The following ZNF771 variants were observed in gnomAD, a reference collection of about 807,000 sequenced individuals.
ZNF771 encodes mesenchymal stem cell protein DSC43.
In ZNF771, 10 loss-of-function variants were observed where a neutral mutation model predicts 27.6. The observed-to-expected ratio is 0.36, with a 90% CI of 0.22 to 0.61. ZNF771 has a LOEUF of 0.61. ZNF771 is among the 20% of genes least tolerant of loss of function. The pLI is 0.70. For missense variants in ZNF771, 438 were observed against 503.7 expected (o/e 0.87, Z 1.25); for synonymous variants, 261 against 225.2 (o/e 1.16, Z -1.43).
chr16:30,410,257 C>A (rs1205551863), intron 2 of ZNF771, among the ~76,000 whole-genome samples: 3 of 152,116 alleles, frequency 2.0e-5, no homozygotes, highest in East Asian at 1.9e-4. Flanking sequence ...TGCGCACTAC[C>A]ATGCCCAGCT....
chr16:30,418,130 C>G lies in ZNF771; in HGVS notation c.717C>G (p.Arg239=), dbSNP rs1248592804. ...KPHRCAVCGR[R]FGHRSNLAEH... is the part of the protein sequence containing the mutation. The stretch of plus-strand genomic sequence containing the variant: ...ACCGCTGCGCTGTGTGTGGCCGTCG[C>G]TTCGGCCACCGCTCCAACCTGGCGG... The change falls in exon 3 of 3, where the codon CGC becomes CGG. Residue 239 remains arginine, a synonymous_variant. Transcript: ENST00000319296. 1.4e-6 allele frequency: 2 copies of G among 1,477,758 alleles called. No homozygotes were observed. The highest frequency in any genetic ancestry group is 1.8e-6 in the Non-Finnish European group (2 of 1,121,190). The allele number at this position is 1,477,758 out of a possible 1,614,324, so 91.5% of individuals were successfully genotyped here.
In ZNF771 at chr16:30,419,061, C is replaced by G. The variant is rs2050153711; in HGVS notation, c.*694C>G. On this transcript the variant is annotated 3_prime_UTR_variant, in exon 3 of 3. Coordinates refer to ENST00000319296, the MANE Select transcript of ZNF771 (RefSeq NM_001142305.2). ...TACCAGCCTGGCCAACATGGTGAAA[C>G]CCGGTCTCTACTAAAAATACAAAAA... is the stretch of plus-strand genomic sequence containing the variant. 7 of 151,958 alleles carry G rather than the reference C, an allele frequency of 4.6e-5. No individual in the cohort carries two copies. The highest frequency in any genetic ancestry group is 4.6e-4 in the Admixed American group (7 of 15,238). The allele number at this position is 151,958 out of a possible 1,614,324, so 9.4% of individuals were successfully genotyped here.
In ZNF771 at chr16:30,418,242, C is replaced by G. The variant is rs2050148586; in HGVS notation, c.829C>G (p.His277Asp). ...CCGCCTAAGCTCGCACTTCATTCGC[C>G]ACCGACGCGCGCACATGCGGCGCCG... The part of the protein sequence containing the change: ...RFRLSSHFIR[H>D]RRAHMRRRLY... Residue 277 changes from histidine to aspartate, a missense_variant, in exon 3 of 3, where the codon CAC becomes GAC. Around this residue, in one of 3 missense-constraint regions of ZNF771, gnomAD observed 305 missense variants for 308.0 expected, o/e 0.99. Coordinates refer to ENST00000319296, the MANE Select transcript of ZNF771 (RefSeq NM_001142305.2). 6.6e-7 allele frequency: 1 copy of G among 1,516,056 alleles called. No homozygotes were observed. The highest frequency in any genetic ancestry group is 1.2e-5 in the South Asian group (1 of 81,664). The allele number at this position is 1,516,056 out of a possible 1,614,324, so 93.9% of individuals were successfully genotyped here. A position where few individuals can be genotyped will look rare whatever the true frequency, so the allele number is the denominator to read the frequency against.
rs772227791 is a variant in ZNF771 at position 30,417,885 on chromosome 16, C to T, written c.472C>T (p.Gln158Ter). 1 of 1,514,564 alleles carries T rather than the reference C, an allele frequency of 6.6e-7. No individual in the cohort carries two copies. Among genetic ancestry groups the T allele is most frequent in the South Asian group, 1.2e-5 (1 of 81,496 alleles). The allele number at this position is 1,514,564 out of a possible 1,614,324, so 93.8% of individuals were successfully genotyped here. A position where few individuals can be genotyped will look rare whatever the true frequency, so the allele number is the denominator to read the frequency against. The change falls in exon 3 of 3, where the codon CAG (glutamine) becomes TAG (stop). Residue 158 changes from glutamine (Q) to a stop codon, truncating the protein, a stop_gained. Transcript: ENST00000319296. LOFTEE classifies it high-confidence loss of function. ...ACAHCGRRFAQSSNYAQHLRV... is the reference protein window; with the variant it reads ...ACAHCGRRFA ...CGCGCACTGCGGCCGCCGCTTCGCGCAGAGCTCCAACTACGCACAGCACCT... is the reference window on the plus strand; with the variant it reads ...CGCGCACTGCGGCCGCCGCTTCGCGTAGAGCTCCAACTACGCACAGCACCT...
chr16:30,407,993 G>GA, intron 1 of ZNF771, 52 bp from the exon 2 acceptor site: 1 of 903,008 alleles, frequency 1.1e-6, no homozygotes, highest in South Asian at 1.7e-5. Context: ...TGGGCGGGGG[G>GA]GGGGGTGGGG....
At chr16:30,410,979 C>T (rs537672410) in intron 2 of ZNF771, among the ~76,000 whole-genome samples, 36 of 151,402 alleles carry the variant, frequency 2.4e-4, no homozygotes, top group Admixed American at 8.6e-4. Flanking sequence ...GCCATGACTG[C>T]ACCACTGTAC....
At chr16:30,410,340 A>T (rs1190691599) in intron 2 of ZNF771, among the ~76,000 whole-genome samples, 1 of 152,038 alleles carries the variant, frequency 6.6e-6, no homozygotes, top group Admixed American at 6.6e-5. Flanking sequence ...TGACCTCATG[A>T]TCCGCCCGCC....
At chr16:30,408,396 G>A (rs2050088073) in intron 2 of ZNF771, among the ~76,000 whole-genome samples, 3 of 152,126 alleles carry the variant, frequency 2.0e-5, no homozygotes, top group Non-Finnish European at 4.4e-5. Flanking sequence ...TTCCTGCTGG[G>A]TGCAGGAGAT....
Position 30,418,184 on chromosome 16 carries a change from G to A in ZNF771, c.771G>A (p.Arg257=). ...AEHARTHTGE[R]PYPCAECGRR... ...ACGCGCGCACGCACACAGGCGAGCG[G>A]CCCTACCCCTGCGCCGAGTGCGGCC... Residue 257 remains arginine (R), a synonymous_variant, in exon 3 of 3, where the codon CGG becomes CGA. Transcript: ENST00000319296. The A allele has an allele frequency of 1.3e-6, 2 of 1,501,530 alleles. No individual in the cohort carries two copies. The highest frequency in any genetic ancestry group is 1.8e-6 in the Non-Finnish European group (2 of 1,132,430). The allele number at this position is 1,501,530 out of a possible 1,614,324, so 93.0% of individuals were successfully genotyped here. A position where few individuals can be genotyped will look rare whatever the true frequency, so the allele number is the denominator to read the frequency against.
intron 2 of ZNF771, among the ~76,000 whole-genome samples, chr16:30,414,920 C>T (rs1304116073): frequency 2.7e-5 from 4 of 145,472 alleles, no homozygotes; most frequent in South Asian, 2.2e-4. Flanking sequence ...GCTGGGATTA[C>T]AGGCGTGAGC....
chr16:30,408,863 G>A (rs1401811761), intron 2 of ZNF771, among the ~76,000 whole-genome samples: 2 of 152,156 alleles, frequency 1.3e-5, no homozygotes, highest in African/African-American at 4.8e-5. Flanking sequence ...CACCCAAGCT[G>A]TAGTGCAGTA....
chr16:30,408,415 G>A (rs1008316201), intron 2 of ZNF771, among the ~76,000 whole-genome samples: 6 of 152,104 alleles, frequency 3.9e-5, no homozygotes, highest in South Asian at 2.1e-4. Flanking sequence ...ATTAAACTCC[G>A]TCCTTGGATC....
chr16:30,415,233 C>T (rs2151125220), intron 2 of ZNF771, among the ~76,000 whole-genome samples: 1 of 152,106 alleles, frequency 6.6e-6, no homozygotes, highest in African/African-American at 2.4e-5. Flanking sequence ...ACTGGGATTA[C>T]AGGTGTGAAC....
chr16:30,418,660 G>A lies in ZNF771; in HGVS notation c.*293G>A. The A allele has an allele frequency of 2.7e-6, 1 of 376,162 alleles. No homozygotes were observed. Among genetic ancestry groups the A allele is most frequent in the Non-Finnish European group, 4.7e-6 (1 of 211,974 alleles). The allele number at this position is 376,162 out of a possible 1,614,324, so 23.3% of individuals were successfully genotyped here. ...GAAAGTTGGGGTTCTCCAGGCTCAG[G>A]TGCCAAGTGAGTTGTCAAGGAACCA... On this transcript the variant is annotated 3_prime_UTR_variant, in exon 3 of 3. Transcript: ENST00000319296.
At chr16:30,415,382 CTTTTTTT>C (rs397854803) in intron 2 of ZNF771, among the ~76,000 whole-genome samples, 1 of 132,220 alleles carries the variant, frequency 7.6e-6, no homozygotes, top group African/African-American at 2.9e-5. Context: ...TGCTGTCACC[CTTTTTTT>C]TTTTTTTTTT....
Position 30,417,590 on chromosome 16 carries a change from G to C in ZNF771, c.177G>C (p.Pro59=). 6.5e-6 allele frequency: 8 copies of C among 1,237,496 alleles called. No homozygotes were observed. The highest frequency in any genetic ancestry group is 8.1e-6 in the Non-Finnish European group (8 of 993,556). 76.7% of individuals were successfully genotyped at this position (1,237,496 alleles called of 1,614,324 possible). The change falls in exon 3 of 3, where the codon CCG becomes CCC. Residue 59 remains proline, a synonymous_variant. Coordinates refer to ENST00000319296, the MANE Select transcript of ZNF771 (RefSeq NM_001142305.2). ...AGGCGCCCGCGCCGTCCGCCGACCC[G>C]GCGCGTCCCCACGCGTGCCCCGACT... is the stretch of plus-strand genomic sequence containing the variant. ...PGEAPAPSAD[P]ARPHACPDCG... is the part of the protein sequence containing the mutation.
At chr16:30,409,610 C>T (rs544195237) in intron 2 of ZNF771, among the ~76,000 whole-genome samples, 1 of 152,288 alleles carries the variant, frequency 6.6e-6, no homozygotes, top group African/African-American at 2.4e-5. Context: ...TCTTCCTGCC[C>T]AGGAGCCAGT....
At chr16:30,417,086 G>A (rs1279591758) in intron 2 of ZNF771, among the ~76,000 whole-genome samples, 1 of 152,094 alleles carries the variant, frequency 6.6e-6, no homozygotes, top group East Asian at 1.9e-4. Context: ...GCGCCCTGCC[G>A]TTCCCTCTGC....
intron 2 of ZNF771, among the ~76,000 whole-genome samples, chr16:30,414,868 ATC>A (rs1248995515): frequency 2.8e-5 from 4 of 143,648 alleles, no homozygotes; most frequent in South Asian, 4.5e-4. Flanking sequence ...GATGGTCTCG[ATC>A]TCCTGACCTT....
Sources: gnomAD v4.1 joint callset for allele counts (sites outside exome capture counted in the v4.1 genomes callset) on GRCh38, gnomAD v4.1.1 for gene constraint, gnomAD v4.1.1 regional missense constraint, MANE v1.5 for transcripts, NCBI Gene and HGNC (gene_info 2026-07-23, HGNC 2026-07-21) for gene names.